CALN1: variants seen among roughly 807,000 people sequenced by gnomAD.
The protein encoded by CALN1 is calneuron 1.
Under a neutral mutation model 30.6 loss-of-function variants are expected in CALN1, and 17 were observed. The ratio of observed to expected loss-of-function variants is 0.56; its 90% confidence interval spans 0.38 to 0.83. CALN1 has a LOEUF of 0.83. Ranked by LOEUF, CALN1 falls within the 40% of genes least tolerant of loss-of-function variation. The pLI is 0.00. For synonymous variants in CALN1, 156 were observed against 131.4 expected, an observed-to-expected ratio of 1.19 and a Z score of -1.28; for missense variants, 291 against 354.9, an observed-to-expected ratio of 0.82 and a Z score of 1.45.
chr7:72,287,816 CAATG>C (rs1048474033), intron 2 of CALN1, among the ~76,000 whole-genome samples: 9 of 152,058 alleles, frequency 5.9e-5, no homozygotes, highest in Non-Finnish European at 8.8e-5. Context: ...AAGTGTGCTG[CAATG>C]AATACCCCCA....
chr7:72,237,921 C>T (rs564349663), intron 3 of CALN1, among the ~76,000 whole-genome samples: 1 of 152,182 alleles, frequency 6.6e-6, no homozygotes, highest in Non-Finnish European at 1.5e-5. Context: ...CTGCCTGGCA[C>T]TGTTGACAGC....
Position 72,007,393 on chromosome 7 carries a change from A to G in CALN1, c.501+16264T>C, listed in dbSNP as rs1390614614. On this transcript the variant is annotated intron_variant, in intron 5 of 6. Transcript: ENST00000395275. ...AAACCCTGTCTCTACTAAACATACA[A>G]AAAATTAGCTGGGTATGGTGGCGGG... Among the ~76,000 whole-genome samples the G allele has an allele frequency of 2.0e-5, 3 of 152,266 alleles. No homozygotes were observed. In the East Asian group the frequency reaches 5.8e-4, roughly 29 times the overall value.
At chr7:71,895,745 G>T (rs1239899529) in intron 5 of CALN1, among the ~76,000 whole-genome samples, 1 of 152,214 alleles carries the variant, frequency 6.6e-6, no homozygotes, top group Admixed American at 6.5e-5. Context: ...TCCTGCTAGA[G>T]ATGTACCTAC....
At chr7:72,234,038 AAATT>A (rs910167886) in intron 3 of CALN1, among the ~76,000 whole-genome samples, 5 of 152,178 alleles carry the variant, frequency 3.3e-5, no homozygotes, top group Middle Eastern at 3.4e-3. Flanking sequence ...CAAACAAACT[AAATT>A]AAGCTAGAAA....
At chr7:72,067,149 G>A (rs906916351) in intron 4 of CALN1, among the ~76,000 whole-genome samples, 1 of 152,150 alleles carries the variant, frequency 6.6e-6, no homozygotes, top group South Asian at 2.1e-4. Context: ...CAAAGGAAAG[G>A]CTTCTTCCAT....
intron 1 of CALN1, among the ~76,000 whole-genome samples, chr7:72,404,882 T>C (rs1434853493): frequency 6.6e-6 from 1 of 152,188 alleles, no homozygotes; most frequent in African/African-American, 2.4e-5. Context: ...TCGGCTCAAA[T>C]GAAAGAGGCT....
chr7:72,488,740 GT>G, the CALN1 span, among the ~76,000 whole-genome samples: 2 of 152,084 alleles, frequency 1.3e-5, no homozygotes, highest in African/African-American at 4.8e-5. Flanking sequence ...CTTGGGTACA[GT>G]GGTGCAATCA....
At chr7:71,975,450 G>C (rs1798056495) in intron 5 of CALN1, among the ~76,000 whole-genome samples, 1 of 151,816 alleles carries the variant, frequency 6.6e-6, no homozygotes, top group South Asian at 2.1e-4. Flanking sequence ...TTTAAAGAAG[G>C]GGGTCTTGTT....
At chr7:71,971,929 T>C (rs1203571974) in intron 5 of CALN1, among the ~76,000 whole-genome samples, 1 of 12,434 alleles carries the variant, frequency 8.0e-5, no homozygotes, top group African/African-American at 7.9e-4. Context: ...GGACCCTGTC[T>C]CAAAAAAAAA....
At chr7:72,227,722 T>C (rs1165824643) in intron 3 of CALN1, among the ~76,000 whole-genome samples, 1 of 151,610 alleles carries the variant, frequency 6.6e-6, no homozygotes, top group African/African-American at 2.4e-5. Flanking sequence ...TCTGCACAAG[T>C]ACCCTCTGAA....
intron 5 of CALN1, among the ~76,000 whole-genome samples, chr7:71,971,953 A>AAAAAAAGAAAGAAAG (rs1797839188): frequency 1.4e-5 from 1 of 72,838 alleles, no homozygotes; most frequent in Non-Finnish European, 2.2e-5. Flanking sequence ...AAAAAAAAAA[A>AAAAAAAGAAAGAAAG]AAAGAAAGAA....
At chr7:71,941,082 CACGACTGTAA>C (rs2129522406) in intron 5 of CALN1, among the ~76,000 whole-genome samples, 1 of 152,244 alleles carries the variant, frequency 6.6e-6, no homozygotes, top group African/African-American at 2.4e-5. Flanking sequence ...CATGGTGGCT[CACGACTGTAA>C]TCCCAGCACT....
intron 4 of CALN1, among the ~76,000 whole-genome samples, chr7:72,062,223 A>G (rs907174259): frequency 4.6e-5 from 7 of 152,234 alleles, no homozygotes; most frequent in African/African-American, 1.4e-4. Flanking sequence ...AAGAAATAAA[A>G]TGATACCAGG....
chr7:72,419,538 A>G (rs1807541243), intron 1 of CALN1, among the ~76,000 whole-genome samples: 2 of 152,074 alleles, frequency 1.3e-5, no homozygotes, highest in Admixed American at 6.5e-5. Flanking sequence ...CAGAAACCCC[A>G]CTTCTCCCAG....
chr7:72,447,724 C>A (rs1004314957), upstream of CALN1, among the ~76,000 whole-genome samples: 2 of 151,854 alleles, frequency 1.3e-5, no homozygotes, highest in Admixed American at 6.6e-5. Flanking sequence ...CGCACACACA[C>A]CTGCCCACGC....
chr7:72,080,445 G>A (rs973057604), intron 4 of CALN1, among the ~76,000 whole-genome samples: 2 of 152,208 alleles, frequency 1.3e-5, no homozygotes, highest in Non-Finnish European at 2.9e-5. Context: ...CACAGAGGGA[G>A]GGATTTTGTT....
At chr7:72,439,842 G>T (rs181954197) in intron 1 of CALN1, among the ~76,000 whole-genome samples, 2,476 of 152,132 alleles carry the variant, frequency 0.016, 59 homozygotes, top group African/African-American at 0.055. Flanking sequence ...CTCCCAAAGT[G>T]CTGGGATTAC....
chr7:72,263,832 G>C (rs563275447), intron 3 of CALN1, among the ~76,000 whole-genome samples: 5 of 152,106 alleles, frequency 3.3e-5, no homozygotes, highest in Non-Finnish European at 5.9e-5. Context: ...TGTTCCCAGG[G>C]ATAAGCATGA....
At chr7:72,312,312 G>A (rs1176152428) in intron 2 of CALN1, among the ~76,000 whole-genome samples, 1 of 149,954 alleles carries the variant, frequency 6.7e-6, no homozygotes, top group African/African-American at 2.5e-5. Context: ...GCTGAGGCAG[G>A]AGAATCACTT....
Sources: gnomAD v4.1 joint callset for allele counts (sites outside exome capture counted in the v4.1 genomes callset) on GRCh38, gnomAD v4.1.1 for gene constraint, MANE v1.5 for transcripts, NCBI Gene and HGNC (gene_info 2026-07-23, HGNC 2026-07-21) for gene names.